The following FOCAD variants were observed in gnomAD, a reference collection of about 807,000 sequenced individuals.
FOCAD encodes focadhesin, also known as KIAA1797.
In FOCAD, 198 loss-of-function variants were observed where a neutral mutation model predicts 225.6. The observed-to-expected ratio is 0.88, with a 90% CI of 0.78 to 0.99. The LOEUF (loss-of-function observed/expected upper bound fraction) is 0.99, where lower values mean the gene tolerates loss of function less well. Ranked by LOEUF, FOCAD falls within the 50% of genes least tolerant of loss-of-function variation. FOCAD has a pLI of 0.00. For missense variants in FOCAD, 2,713 were observed against 2,123.6 expected (o/e 1.28, Z -5.46); for synonymous variants, 897 against 755.0 (o/e 1.19, Z -3.08).
Position 20,822,532 on chromosome 9 carries a change from T to C in FOCAD, c.1794-457T>C, listed in dbSNP as rs80211542. On this transcript the variant is annotated intron_variant, in intron 14 of 43. Transcript: ENST00000338382. ...GTTTTTATAATTTTTATCCTTATCA[T>C]CATTATGATAGGTGTAACCACCCTA... Among the ~76,000 whole-genome samples, 1,207 of 152,120 alleles carry C rather than the reference T, an allele frequency of 7.9e-3. 16 individuals are homozygous for C. The highest frequency in any genetic ancestry group is 0.028 in the African/African-American group (1,150 of 41,526).
In FOCAD at chr9:20,866,917, T is replaced by TTTTTAACCAAA; in HGVS notation, c.2107-12_2107-11insTTTTAACCAAA. On this transcript the variant is annotated splice_polypyrimidine_tract_variant and intron_variant, in intron 17 of 43. Coordinates refer to ENST00000338382, the MANE Select transcript of FOCAD (RefSeq NM_001375567.1). ...TTTTTTTTTTTTTTTTTTTTTTTTTTACCCTATCTAGGACCCAATTGTAGC... is the reference window on the plus strand; with the variant it reads ...TTTTTTTTTTTTTTTTTTTTTTTTTTTTTTAACCAAAACCCTATCTAGGACCCAATTGTAGC... 2.6e-6 allele frequency: 2 copies of TTTTTAACCAAA among 764,972 alleles called. No individual in the cohort carries two copies. The highest frequency in any genetic ancestry group is 4.0e-6 in the Non-Finnish European group (2 of 498,468). The allele number at this position is 764,972 out of a possible 1,614,324, so 47.4% of individuals were successfully genotyped here.
chr9:20,894,484 A>G (rs1008925711), intron 21 of FOCAD, among the ~76,000 whole-genome samples: 1 of 152,094 alleles, frequency 6.6e-6, no homozygotes, highest in Admixed American at 6.6e-5. Flanking sequence ...ACCATTTCGC[A>G]TCTCCTTCCT....
chr9:20,893,928 T>C (rs62560514), intron 21 of FOCAD, among the ~76,000 whole-genome samples: 29,803 of 152,130 alleles, frequency 0.2, 3,528 homozygotes, highest in South Asian at 0.32. Flanking sequence ...TTAAACATTC[T>C]ATGGGTTTGA....
chr9:20,879,682 T>C (rs927672940), intron 19 of FOCAD, among the ~76,000 whole-genome samples: 6 of 152,154 alleles, frequency 3.9e-5, no homozygotes, highest in Non-Finnish European at 8.8e-5. Context: ...AGAAAGAGAT[T>C]GGGGAAAGCT....
At chr9:20,802,026 C>T (rs1821896049) in intron 11 of FOCAD, among the ~76,000 whole-genome samples, 1 of 152,072 alleles carries the variant, frequency 6.6e-6, no homozygotes, top group Non-Finnish European at 1.5e-5. Context: ...GTTTTCAGGA[C>T]AGTTAATGTA....
rs1841164160 is a variant in FOCAD at position 20,986,324 on chromosome 9, T to C, written c.4765T>C (p.Leu1589=). 6.9e-7 allele frequency: 1 copy of C among 1,450,188 alleles called. No homozygotes were observed. The highest frequency in any genetic ancestry group is 9.2e-7 in the Non-Finnish European group (1 of 1,088,572). 89.8% of individuals were successfully genotyped at this position (1,450,188 alleles called of 1,614,324 possible). Residue 1589 remains leucine, a synonymous_variant, in exon 40 of 44, where the codon TTA becomes CTA. Transcript: ENST00000338382. ...AAAAGCTGCCTTTGTCAAACTGTAC[T>C]TAGTCTCTCAAGGACGATTCCCCTT... is the stretch of plus-strand genomic sequence containing the variant. The part of the protein sequence containing the change: ...IEKAAFVKLY[L]VSQGRFPLVN...
intron 21 of FOCAD, among the ~76,000 whole-genome samples, chr9:20,888,259 C>T (rs1831296289): frequency 6.6e-6 from 1 of 150,894 alleles, no homozygotes; most frequent in South Asian, 2.1e-4. Context: ...CCACCTCAGT[C>T]TCCTAAATAG....
At chr9:20,874,937 G>C (rs1040162913) in intron 19 of FOCAD, 130 bp downstream of exon 19, 1 of 1,159,088 alleles carries the variant, frequency 8.6e-7, no homozygotes, top group Non-Finnish European at 1.3e-6. Flanking sequence ...AATGTTAAAT[G>C]CACCCATCTG....
rs547164766 is a variant in FOCAD at position 20,658,996 on chromosome 9, A to C, written c.-78+170A>C. On this transcript the variant is annotated intron_variant, in intron 2 of 45. Coordinates refer to the FOCAD transcript ENST00000380249. ...GCACTTTGGGAGGCTGAGGTGGGTG[A>C]TTGCCTGAGCTCAGGAGTTCTAGAC... Among the ~76,000 whole-genome samples, 28 of 152,246 alleles carry C rather than the reference A, an allele frequency of 1.8e-4. No homozygotes were observed. In the East Asian group the frequency reaches 5.2e-3, roughly 28 times the overall value.
chr9:20,694,972 C>T (rs907595482), intron 1 of FOCAD, among the ~76,000 whole-genome samples: 83 of 152,224 alleles, frequency 5.5e-4, no homozygotes, highest in Admixed American at 5.2e-3. Context: ...GTTACTATGT[C>T]TGTTTAGTCA....
At chr9:20,962,279 G>C (rs1838808524) in intron 35 of FOCAD, among the ~76,000 whole-genome samples, 1 of 151,908 alleles carries the variant, frequency 6.6e-6, no homozygotes, top group Admixed American at 6.6e-5. Context: ...TTTCCACTAG[G>C]TGTGATTTCC....
At position 20,819,843 on chromosome 9, in the gene FOCAD, G is replaced by T; in HGVS notation, c.1503G>T (p.Leu501=). 6.5e-7 allele frequency: 1 copy of T among 1,543,052 alleles called. No homozygotes were observed. The highest frequency in any genetic ancestry group is 8.7e-7 in the Non-Finnish European group (1 of 1,146,986). ...TGATGTTCAAATTGGGAAGACCACT[G>T]GAACCTATATTATATAATGATATAT... The part of the protein sequence containing the change: ...PVLMFKLGRP[L]EPILYNDILY... The change falls in exon 12 of 44, where the codon CTG becomes CTT. Residue 501 remains leucine, a synonymous_variant. Coordinates refer to ENST00000338382, the MANE Select transcript of FOCAD (RefSeq NM_001375567.1).
intron 6 of FOCAD, among the ~76,000 whole-genome samples, chr9:20,759,962 A>G (rs1158162653): frequency 6.6e-6 from 1 of 152,178 alleles, no homozygotes; most frequent in Non-Finnish European, 1.5e-5. Flanking sequence ...CAGTTAGTGT[A>G]CTTTCACCAA....
intron 11 of FOCAD, among the ~76,000 whole-genome samples, chr9:20,797,018 T>A (rs185910281): frequency 9.2e-5 from 14 of 152,352 alleles, no homozygotes; most frequent in Middle Eastern, 3.4e-3. Flanking sequence ...GGATCCAGTT[T>A]CAGCTTTCTC....
At chr9:20,832,719 G>A (rs747987078) in intron 15 of FOCAD, among the ~76,000 whole-genome samples, 1 of 151,786 alleles carries the variant, frequency 6.6e-6, no homozygotes, top group African/African-American at 2.4e-5. Flanking sequence ...CCATCTTTCT[G>A]TGTCTGGCTT....
intron 24 of FOCAD, among the ~76,000 whole-genome samples, chr9:20,919,858 C>A (rs1293379850): frequency 6.6e-6 from 1 of 151,756 alleles, no homozygotes. Context: ...CCATAAAAAC[C>A]CTAGAAGAAA....
At chr9:20,877,767 G>A (rs1364493823) in intron 19 of FOCAD, among the ~76,000 whole-genome samples, 2 of 152,002 alleles carry the variant, frequency 1.3e-5, no homozygotes, top group Non-Finnish European at 2.9e-5. Flanking sequence ...AAAATTAGCC[G>A]GGCATGGTGG....
chr9:20,700,001 G>A (rs1453055208), intron 1 of FOCAD, among the ~76,000 whole-genome samples: 3 of 150,952 alleles, frequency 2.0e-5, no homozygotes, highest in South Asian at 2.1e-4. Flanking sequence ...ATATTTCCAC[G>A]CTAATATGAA....
intron 4 of FOCAD, among the ~76,000 whole-genome samples, chr9:20,739,024 GC>G (rs1827379669): frequency 6.6e-6 from 1 of 152,038 alleles, no homozygotes; most frequent in African/African-American, 2.4e-5. Context: ...GTGCTCAGTA[GC>G]CACATGTGGC....
Sources: allele counts gnomAD v4.1 joint callset (sites outside exome capture counted in the v4.1 genomes callset), GRCh38; gene constraint gnomAD v4.1.1; transcripts MANE v1.5; gene names NCBI Gene and HGNC (gene_info 2026-07-23, HGNC 2026-07-21).